BCAS4: variants seen among roughly 807,000 people sequenced by gnomAD.
BCAS4 encodes the protein breast carcinoma-amplified sequence 4.
A neutral mutation model predicts 15.7 loss-of-function variants in BCAS4; 9 were observed. The observed-to-expected ratio is 0.57, with a 90% CI of 0.34 to 1.00. The LOEUF (loss-of-function observed/expected upper bound fraction) is 1.00. Among genes scored for constraint, BCAS4 ranks in the 50% least tolerant of loss-of-function variants. The probability of loss-of-function intolerance (pLI) is 0.02; values close to 1 mark genes in which losing one functional copy is unlikely to be tolerated. For missense variants in BCAS4, 225 were observed against 239.1 expected, an observed-to-expected ratio of 0.94 and a Z score of 0.39; for synonymous variants, 101 against 99.5, an observed-to-expected ratio of 1.02 and a Z score of -0.09.
At chr20:50,828,379 T>C (rs1341944069) in intron 2 of BCAS4, among the ~76,000 whole-genome samples, 3 of 152,056 alleles carry the variant, frequency 2.0e-5, no homozygotes, top group Admixed American at 1.3e-4. Context: ...GGAAATGTTA[T>C]CCTGAACAGT....
intron 3 of BCAS4, among the ~76,000 whole-genome samples, chr20:50,838,687 A>G (rs1041798410): frequency 6.6e-6 from 1 of 152,124 alleles, no homozygotes; most frequent in African/African-American, 2.4e-5. Context: ...TCTACTAAAA[A>G]TACAAAATTA....
At chr20:50,867,818 G>C (rs1600903398) in intron 4 of BCAS4, among the ~76,000 whole-genome samples, 1 of 152,200 alleles carries the variant, frequency 6.6e-6, no homozygotes, top group Non-Finnish European at 1.5e-5. Flanking sequence ...GGAAACTGAG[G>C]CATGAGAATC....
At chr20:50,836,575 G>A (rs747253345) in intron 3 of BCAS4, among the ~76,000 whole-genome samples, 18 of 152,126 alleles carry the variant, frequency 1.2e-4, no homozygotes, top group Non-Finnish European at 2.4e-4. Flanking sequence ...CCTGCCAGCC[G>A]GGGGTCCTGG....
At chr20:50,802,565 C>T (rs1600844459) in intron 1 of BCAS4, among the ~76,000 whole-genome samples, 1 of 152,230 alleles carries the variant, frequency 6.6e-6, no homozygotes. Flanking sequence ...CAGCGTCACA[C>T]AGAGGCCTTA....
At chr20:50,855,187 GC>G (rs1276232071) in intron 4 of BCAS4, among the ~76,000 whole-genome samples, 2 of 152,158 alleles carry the variant, frequency 1.3e-5, no homozygotes, top group African/African-American at 2.4e-5. Context: ...CTCACCCCCA[GC>G]CCTGCTTGGT....
chr20:50,795,647 C>T (rs1361246898), intron 1 of BCAS4, among the ~76,000 whole-genome samples: 1 of 152,364 alleles, frequency 6.6e-6, no homozygotes, highest in East Asian at 1.9e-4. Flanking sequence ...AGATCTAAAA[C>T]GAGACCCTCT....
At chr20:50,869,742 C>CTTTTTTTT (rs55685532) in intron 4 of BCAS4, among the ~76,000 whole-genome samples, 11 of 77,654 alleles carry the variant, frequency 1.4e-4, no homozygotes, top group Non-Finnish European at 1.8e-4. Context: ...CCTGGCACTG[C>CTTTTTTTT]TTTTTTTTTT....
chr20:50,875,786 G>GA (rs34402774), intron 4 of BCAS4, among the ~76,000 whole-genome samples: 13,038 of 144,358 alleles, frequency 0.09, 1,502 homozygotes, highest in African/African-American at 0.27. Flanking sequence ...CGTCTCAAAA[G>GA]AAAAAAAAAA....
At chr20:50,879,604 A>G (rs6020822), downstream of BCAS4, 1 of 152,158 alleles carries the variant, frequency 6.6e-6, no homozygotes, top group Admixed American at 6.5e-5. Context: ...GTATCTGCTG[A>G]GTGTTGGGCA....
chr20:50,876,630 G>A lies in BCAS4; in HGVS notation c.*22G>A, dbSNP rs568120411. On this transcript the variant is annotated 3_prime_UTR_variant, in exon 5 of 5. Transcript: ENST00000371608. ...GTGAGCTTTGTGGTCTTCCCATCAG[G>A]AACGCTGGAAAGTGACATTGTGTAC... 1.2e-6 allele frequency: 2 copies of A among 1,612,470 alleles called. No homozygotes were observed. Among genetic ancestry groups the A allele is most frequent in the East Asian group, 2.2e-5 (1 of 44,850 alleles).
chr20:50,837,805 C>T (rs956330702), intron 3 of BCAS4, among the ~76,000 whole-genome samples: 1 of 152,240 alleles, frequency 6.6e-6, no homozygotes, highest in African/African-American at 2.4e-5. Flanking sequence ...ACACTCTCCA[C>T]CAGATTGGTA....
At chr20:50,809,353 G>A (rs2088033241) in intron 1 of BCAS4, among the ~76,000 whole-genome samples, 1 of 152,068 alleles carries the variant, frequency 6.6e-6, no homozygotes, top group African/African-American at 2.4e-5. Context: ...GGGATTACAG[G>A]CATGCACTAC....
intron 1 of BCAS4, among the ~76,000 whole-genome samples, chr20:50,796,227 A>G (rs965117839): frequency 4.7e-5 from 7 of 150,202 alleles, no homozygotes; most frequent in Non-Finnish European, 7.4e-5. Flanking sequence ...TACTAAAAAT[A>G]CAAAAATTAG....
intron 4 of BCAS4, among the ~76,000 whole-genome samples, chr20:50,872,418 A>C (rs6013037): frequency 0.01 from 1,563 of 151,872 alleles, 33 homozygotes; most frequent in African/African-American, 0.035. Context: ...AAAATACAAA[A>C]AAATTAGCTG....
rs1289742676 is a variant in BCAS4 at position 50,825,402 on chromosome 20, C to G, written c.163-4877C>G. ...TGGCCCTAAAGTTTCTTTTATGGTT[C>G]CCAGCCCAGGGTGGAACCAAGAGGT... On this transcript the variant is annotated intron_variant, in intron 2 of 4. Coordinates refer to ENST00000371608, the MANE Select transcript of BCAS4 (RefSeq NM_198799.4). 2.0e-5 allele frequency among the ~76,000 whole-genome samples: 3 copies of G among 152,176 alleles called. No homozygotes were observed. In the East Asian group the frequency reaches 5.8e-4, roughly 29 times the overall value.
At chr20:50,840,493 A>C (rs1027371578) in intron 3 of BCAS4, 1 of 1,144,734 alleles carries the variant, frequency 8.7e-7, no homozygotes, top group African/African-American at 1.5e-5. Flanking sequence ...TGAAAGGGGC[A>C]GCACAGTCAT....
intron 4 of BCAS4, among the ~76,000 whole-genome samples, chr20:50,857,577 C>T (rs974745069): frequency 5.3e-5 from 8 of 152,150 alleles, no homozygotes; most frequent in Admixed American, 2.6e-4. Flanking sequence ...GAAGGGGGAC[C>T]GCTGCCATCT....
rs549993829 is a variant in BCAS4, at chr20:50,838,446, A to G, written c.265-3320A>G. Reference sequence around the variant, plus strand: ...AAAGACAGACTCGGCGCAGTGGCTCACCCCTGTAATCCCAGCACTTTGGGA... The same window carrying G: ...AAAGACAGACTCGGCGCAGTGGCTCGCCCCTGTAATCCCAGCACTTTGGGA... On this transcript the variant is annotated intron_variant, in intron 3 of 4. Coordinates refer to ENST00000371608, the MANE Select transcript of BCAS4 (RefSeq NM_198799.4). Among the ~76,000 whole-genome samples the G allele has an allele frequency of 4.1e-4, 62 of 152,250 alleles. 1 individual carries two copies. The highest frequency in any genetic ancestry group is 1.5e-3 in the African/African-American group (61 of 41,548).
chr20:50,807,496 T>C (rs2088006378), intron 1 of BCAS4, among the ~76,000 whole-genome samples: 1 of 152,198 alleles, frequency 6.6e-6, no homozygotes, highest in Non-Finnish European at 1.5e-5. Context: ...ACCTGGACTT[T>C]ACGTTATTTT....
Sources: gnomAD v4.1 joint callset for allele counts (sites outside exome capture counted in the v4.1 genomes callset) on GRCh38, gnomAD v4.1.1 for gene constraint, MANE v1.5 for transcripts, NCBI Gene and HGNC (gene_info 2026-07-23, HGNC 2026-07-21) for gene names.